Variants in FAM83F observed in about 807,000 individuals in gnomAD.
FAM83F encodes the protein protein FAM83F.
In FAM83F, 45 loss-of-function variants were observed where a neutral mutation model predicts 42.9. That is an observed-to-expected ratio of 1.05 (90% confidence interval 0.83 to 1.35). The LOEUF is 1.35. FAM83F is among the 40% of genes most tolerant of loss of function. FAM83F has a pLI of 0.00. For missense variants in FAM83F, 617 were observed against 695.9 expected (o/e 0.89, Z 1.28); for synonymous variants, 306 against 298.3 (o/e 1.03, Z -0.27).
chr22:40,027,929 G>C (rs1569236840), intron 4 of FAM83F, among the ~76,000 whole-genome samples: 1 of 146,526 alleles, frequency 6.8e-6, no homozygotes, highest in East Asian at 2.0e-4. Context: ...TTGCTTACCT[G>C]CCTCCAAAAT....
intron 1 of FAM83F, chr22:40,010,015 T>C (rs2067454505): frequency 6.6e-6 from 1 of 152,026 alleles, no homozygotes; most frequent in African/African-American, 2.4e-5. Context: ...CAATGAGAAG[T>C]CTTACAACAT....
intron 3 of FAM83F, among the ~76,000 whole-genome samples, chr22:40,020,767 A>G (rs954423159): frequency 8.5e-5 from 13 of 152,208 alleles, no homozygotes; most frequent in African/African-American, 2.7e-4. Context: ...AGCTGAGCAC[A>G]TGAAACAGTG....
Position 39,995,522 on chromosome 22 carries a change from G to T in FAM83F, c.480G>T (p.Gln160His). ...AGGTGGTCAGGCAGATGATCCAACA[G>T]GCCCAGAAGGTAGGCCCCCGCCTTC... Reference protein sequence around the residue: ...LKQVVRQMIQQAQKVIAVVMD... With the variant: ...LKQVVRQMIQHAQKVIAVVMD... Residue 160 changes from glutamine to histidine, a missense_variant, in exon 1 of 5, where the codon CAG becomes CAT. Physicochemically the swap from Gln to His is conservative, Grantham distance 24. Coordinates refer to ENST00000333407, the MANE Select transcript of FAM83F (RefSeq NM_138435.4). The surrounding 1 kb of genome is among the most constrained non-coding windows in gnomAD (Gnocchi z 4.6). 1 of 1,564,440 alleles carries T rather than the reference G, an allele frequency of 6.4e-7. No individual in the cohort carries two copies. The highest frequency in any genetic ancestry group is 1.8e-5 in the Admixed American group (1 of 54,332).
At position 40,033,570 on chromosome 22, in the gene FAM83F, C is replaced by CA. The variant is rs1451425567; in HGVS notation, c.*4007dup. ...GCCCTGTGCATTATAGTACGTTTAG[C>CA]AACATCCCTAGCTTCCACCTACTAA... On this transcript the variant is annotated 3_prime_UTR_variant, in exon 5 of 5. Transcript: ENST00000333407. 3 of 152,258 alleles carry CA rather than the reference C, an allele frequency of 2.0e-5. No individual in the cohort carries two copies. Among genetic ancestry groups the CA allele is most frequent in the African/African-American group, 7.2e-5 (3 of 41,456 alleles). 9.4% of individuals were successfully genotyped at this position (152,258 alleles called of 1,614,324 possible).
At chr22:40,007,910 G>A (rs906877305) in intron 1 of FAM83F, among the ~76,000 whole-genome samples, 4 of 152,150 alleles carry the variant, frequency 2.6e-5, no homozygotes, top group East Asian at 1.9e-4. Flanking sequence ...TGGATGCATC[G>A]TCTCCACAGA....
intron 1 of FAM83F, among the ~76,000 whole-genome samples, chr22:40,004,595 AC>A (rs2067418847): frequency 6.6e-6 from 1 of 151,698 alleles, no homozygotes; most frequent in Admixed American, 6.6e-5. Context: ...GAGCCACCGC[AC>A]CCAGCTAATT....
At chr22:40,004,079 T>C (rs186062737) in intron 1 of FAM83F, among the ~76,000 whole-genome samples, 2 of 152,094 alleles carry the variant, frequency 1.3e-5, no homozygotes, top group African/African-American at 4.8e-5. Flanking sequence ...TCACTCACCA[T>C]GTTTCACTGA....
intron 4 of FAM83F, among the ~76,000 whole-genome samples, chr22:40,029,132 T>TGA (rs1224783649): frequency 3.2e-5 from 4 of 124,624 alleles, no homozygotes; most frequent in Non-Finnish European, 6.8e-5. Context: ...TGTGTGTGTG[T>TGA]GAAAGCAAGT....
chr22:40,024,897 C>T (rs1028876165), intron 4 of FAM83F, among the ~76,000 whole-genome samples: 6 of 152,214 alleles, frequency 3.9e-5, no homozygotes, highest in Admixed American at 1.3e-4. Flanking sequence ...AAGTTGCTTC[C>T]TCCTTTCCGG....
At position 39,995,192 on chromosome 22, in the gene FAM83F, C is replaced by G; in HGVS notation, c.150C>G (p.Leu50=). 6.6e-7 allele frequency: 1 copy of G among 1,523,464 alleles called. No individual in the cohort carries two copies. Among genetic ancestry groups the G allele is most frequent in the South Asian group, 1.2e-5 (1 of 82,460 alleles). The allele number at this position is 1,523,464 out of a possible 1,614,324, so 94.4% of individuals were successfully genotyped here. The change falls in exon 1 of 5, where the codon CTC becomes CTG. Residue 50 remains leucine (L), a synonymous_variant. Transcript: ENST00000333407. This position sits in a 1 kb window ranked among gnomAD's most constrained non-coding sequence, Gnocchi z 4.6. The part of the protein sequence containing the change: ...GGGEQAYRER[L]KEEQLRDFLS... ...GCGAGCAGGCCTACCGCGAGCGGCTCAAGGAGGAGCAGCTGCGGGACTTCC... is the reference window on the plus strand; with the variant it reads ...GCGAGCAGGCCTACCGCGAGCGGCTGAAGGAGGAGCAGCTGCGGGACTTCC...
rs2067372207 is a variant in FAM83F at position 39,995,981 on chromosome 22, C to T, written c.489+450C>T. Among the ~76,000 whole-genome samples the T allele has an allele frequency of 6.6e-6, 1 of 152,198 alleles. No individual in the cohort carries two copies. The highest frequency in any genetic ancestry group is 1.5e-5 in the Non-Finnish European group (1 of 68,038). On this transcript the variant is annotated intron_variant, in intron 1 of 4. Coordinates refer to ENST00000333407, the MANE Select transcript of FAM83F (RefSeq NM_138435.4). The surrounding 1 kb of genome is among the most constrained non-coding windows in gnomAD (Gnocchi z 4.6). ...GTGGCGGTGACCTTCCCGGTCCCAC[C>T]TCTGCCATGCTGCTCCTTGGACCAC...
chr22:39,995,549 C>T lies in FAM83F; in HGVS notation c.489+18C>T. Reference sequence around the variant, plus strand: ...CCCAGAAGGTAGGCCCCCGCCTTCGCCCCCACACCGCTGGGACCTCGGCCC... The same window carrying T: ...CCCAGAAGGTAGGCCCCCGCCTTCGTCCCCACACCGCTGGGACCTCGGCCC... On this transcript the variant is annotated intron_variant, in intron 1 of 4. Coordinates refer to ENST00000333407, the MANE Select transcript of FAM83F (RefSeq NM_138435.4). The surrounding 1 kb of genome is among the most constrained non-coding windows in gnomAD (Gnocchi z 4.6). 2.6e-6 allele frequency: 4 copies of T among 1,535,686 alleles called. No individual in the cohort carries two copies. The highest frequency in any genetic ancestry group is 2.6e-6 in the Non-Finnish European group (3 of 1,136,144).
intron 1 of FAM83F, among the ~76,000 whole-genome samples, chr22:39,999,816 A>C (rs961774746): frequency 6.6e-6 from 1 of 152,220 alleles, no homozygotes; most frequent in Admixed American, 6.5e-5. Flanking sequence ...TTGAGGAAGG[A>C]GGGTAACCAG....
intron 1 of FAM83F, among the ~76,000 whole-genome samples, chr22:40,011,041 A>G (rs1418890508): frequency 6.6e-6 from 1 of 152,146 alleles, no homozygotes; most frequent in Non-Finnish European, 1.5e-5. Flanking sequence ...GCCACCAGAG[A>G]GCCTTGAAAG....
rs1415163781 is a variant in FAM83F, at chr22:40,031,456, C to T, written c.*1891C>T. On this transcript the variant is annotated 3_prime_UTR_variant, in exon 5 of 5. Coordinates refer to ENST00000333407, the MANE Select transcript of FAM83F (RefSeq NM_138435.4). ...CCAAGGGCATCTGTGCCTCCCCTGC[C>T]AGAAGAGCAGGCCCTGCTTTGTCCC... 1 of 152,278 alleles carries T rather than the reference C, an allele frequency of 6.6e-6. No homozygotes were observed. Among genetic ancestry groups the T allele is most frequent in the East Asian group, 1.9e-4 (1 of 5,196 alleles). The allele number at this position is 152,278 out of a possible 1,614,324, so 9.4% of individuals were successfully genotyped here.
At position 40,031,462 on chromosome 22, in the gene FAM83F, A is replaced by T. The variant is rs1286725974; in HGVS notation, c.*1897A>T. ...GCATCTGTGCCTCCCCTGCCAGAAGAGCAGGCCCTGCTTTGTCCCTTTACC... is the reference window on the plus strand; with the variant it reads ...GCATCTGTGCCTCCCCTGCCAGAAGTGCAGGCCCTGCTTTGTCCCTTTACC... On this transcript the variant is annotated 3_prime_UTR_variant, in exon 5 of 5. Coordinates refer to ENST00000333407, the MANE Select transcript of FAM83F (RefSeq NM_138435.4). 6.6e-6 allele frequency: 1 copy of T among 152,186 alleles called. No individual in the cohort carries two copies. Among genetic ancestry groups the T allele is most frequent in the Non-Finnish European group, 1.5e-5 (1 of 68,072 alleles). The allele number at this position is 152,186 out of a possible 1,614,324, so 9.4% of individuals were successfully genotyped here. A position where few individuals can be genotyped will look rare whatever the true frequency, so the allele number is the denominator to read the frequency against.
At position 40,023,801 on chromosome 22, in the gene FAM83F, G is replaced by A. The variant is rs2145721728; in HGVS notation, c.1453+1838G>A. 6.6e-6 allele frequency among the ~76,000 whole-genome samples: 1 copy of A among 152,288 alleles called. No homozygotes were observed. The highest frequency in any genetic ancestry group is 2.1e-4 in the South Asian group (1 of 4,816). ...ATAGAGAGAGAGAGGGAATAGTGAG[G>A]GCGAGGGCACGGACAGCCAGGAAGG... On this transcript the variant is annotated intron_variant, in intron 4 of 4. Transcript: ENST00000333407. This position sits in a 1 kb window ranked among gnomAD's most constrained non-coding sequence, Gnocchi z 4.1.
At chr22:40,004,846 TG>T (rs1199222696) in intron 1 of FAM83F, among the ~76,000 whole-genome samples, 19 of 152,180 alleles carry the variant, frequency 1.2e-4, no homozygotes, top group Admixed American at 9.8e-4. Context: ...GGATGCTAGA[TG>T]GGAACTGAGA....
chr22:39,997,474 G>A lies in FAM83F; in HGVS notation c.489+1943G>A, dbSNP rs542047622. Among the ~76,000 whole-genome samples, 944 of 152,342 alleles carry A rather than the reference G, an allele frequency of 6.2e-3. 16 individuals carry two copies. The highest frequency in any genetic ancestry group is 0.021 in the African/African-American group (853 of 41,576). ...CAGTGATTTCCTGAGGGCTGACTGT[G>A]TGCCAGGCACTACCTAGCCATGAAG... On this transcript the variant is annotated intron_variant, in intron 1 of 4. Coordinates refer to ENST00000333407, the MANE Select transcript of FAM83F (RefSeq NM_138435.4).
Sources: gnomAD v4.1 joint callset for allele counts (sites outside exome capture counted in the v4.1 genomes callset) on GRCh38, gnomAD v4.1.1 for gene constraint, Gnocchi (gnomAD v3.1) non-coding constraint, MANE v1.5 for transcripts, NCBI Gene and HGNC (gene_info 2026-07-23, HGNC 2026-07-21) for gene names.